Variants in EZR observed in about 807,000 individuals in gnomAD.
EZR encodes ezrin.
Under a neutral mutation model 74.8 loss-of-function variants are expected in EZR, and 40 were observed. The ratio of observed to expected loss-of-function variants is 0.53; its 90% CI spans 0.42 to 0.70. The LOEUF is 0.70. EZR is among the 30% of genes least tolerant of loss of function. EZR has a pLI of 0.00. For missense variants in EZR, 678 were observed against 755.8 expected (o/e 0.90, Z 1.21); for synonymous variants, 341 against 283.3 (o/e 1.20, Z -2.05).
chr6:158,810,133 T>G (rs911646356), intron 2 of EZR, among the ~76,000 whole-genome samples: 2 of 152,170 alleles, frequency 1.3e-5, no homozygotes, highest in African/African-American at 4.8e-5. Flanking sequence ...CTGGTTCCTC[T>G]CCTATCAATA....
intron 2 of EZR, among the ~76,000 whole-genome samples, chr6:158,815,311 G>T (rs3102966): frequency 0.53 from 80,074 of 151,948 alleles, 22,015 homozygotes; most frequent in Non-Finnish European, 0.61. Flanking sequence ...TGCAACCTAC[G>T]ATGCTCTTCT....
intron 2 of EZR, among the ~76,000 whole-genome samples, chr6:158,812,035 A>G (rs2128577078): frequency 7.4e-6 from 1 of 136,004 alleles, no homozygotes; most frequent in African/African-American, 2.7e-5. Context: ...GTGAGAGACC[A>G]CTGGGCACTG....
At chr6:158,796,127 C>T (rs563652401) in intron 2 of EZR, among the ~76,000 whole-genome samples, 1 of 152,270 alleles carries the variant, frequency 6.6e-6, no homozygotes, top group East Asian at 1.9e-4. Context: ...ACTCTCTGAC[C>T]ACTAGGAGAA....
At chr6:158,774,567 C>T (rs914984600) in intron 8 of EZR, among the ~76,000 whole-genome samples, 1 of 151,554 alleles carries the variant, frequency 6.6e-6, no homozygotes, top group African/African-American at 2.4e-5. Flanking sequence ...TCACATGAGG[C>T]TACTCTATAA....
chr6:158,771,315 C>T lies in EZR; in HGVS notation c.888G>A (p.Lys296=), dbSNP rs1791101639. 6.2e-7 allele frequency: 1 copy of T among 1,614,208 alleles called. No homozygotes were observed. The highest frequency in any genetic ancestry group is 2.2e-5 in the East Asian group (1 of 44,886). Reference sequence around the variant, plus strand: ...TCTGCTGCACCTCGATGGTGTCAGGCTTCCTGCGGCGCATATACAACTCAT... The same window carrying T: ...TCTGCTGCACCTCGATGGTGTCAGGTTTCCTGCGGCGCATATACAACTCAT... ...GNHELYMRRR[K]PDTIEVQQMK... Residue 296 remains lysine, a synonymous_variant, in exon 9 of 14, where the codon AAG becomes AAA. Transcript: ENST00000367075.
rs149105633 is a variant in EZR, at chr6:158,797,650, T to C, written c.13-8279A>G. ...TACTTAGAAATGCTCTGATAGAAAG[T>C]AGATACAGTAAATTTTCTCCCACAA... On this transcript the variant is annotated intron_variant, in intron 2 of 13. Transcript: ENST00000367075. Among the ~76,000 whole-genome samples, 12 of 152,358 alleles carry C rather than the reference T, an allele frequency of 7.9e-5. No individual in the cohort carries two copies. The East Asian group carries it at 1.3e-3, about 17-fold the overall frequency.
intron 3 of EZR, among the ~76,000 whole-genome samples, chr6:158,788,881 G>A (rs761418971): frequency 7.9e-5 from 12 of 152,134 alleles, no homozygotes; most frequent in Non-Finnish European, 1.5e-4. Context: ...ACTCATCCAC[G>A]CAGTGAGAGG....
At chr6:158,812,600 AAAT>A (rs1777473093) in intron 2 of EZR, among the ~76,000 whole-genome samples, 1 of 152,218 alleles carries the variant, frequency 6.6e-6, no homozygotes, top group Non-Finnish European at 1.5e-5. Flanking sequence ...TTGGATTTAA[AAAT>A]AACGTAGTTT....
At chr6:158,777,423 A>G (rs1791311699) in intron 7 of EZR, among the ~76,000 whole-genome samples, 1 of 152,266 alleles carries the variant, frequency 6.6e-6, no homozygotes, top group Non-Finnish European at 1.5e-5. Flanking sequence ...TCTGGCTTTT[A>G]TTAGCATTCC....
intron 8 of EZR, among the ~76,000 whole-genome samples, chr6:158,774,708 C>G (rs1156471791): frequency 2.0e-5 from 3 of 149,916 alleles, no homozygotes; most frequent in Non-Finnish European, 3.0e-5. Context: ...CACACACACA[C>G]ACACACGCAC....
At chr6:158,777,730 C>T (rs978518166) in intron 7 of EZR, among the ~76,000 whole-genome samples, 1 of 152,160 alleles carries the variant, frequency 6.6e-6, no homozygotes, top group African/African-American at 2.4e-5. Flanking sequence ...GTGGGGTGGA[C>T]TCTGTAGGCT....
chr6:158,813,515 T>A (rs1279664791), intron 2 of EZR, among the ~76,000 whole-genome samples: 2 of 152,162 alleles, frequency 1.3e-5, no homozygotes, highest in Non-Finnish European at 2.9e-5. Context: ...CATGGCAAAA[T>A]GTTAGCTACC....
In EZR at chr6:158,769,952, G is replaced by C. The variant is rs1345987318; in HGVS notation, c.1091-8C>G. 1.9e-6 allele frequency: 3 copies of C among 1,608,454 alleles called. No homozygotes were observed. The highest frequency in any genetic ancestry group is 2.5e-6 in the Non-Finnish European group (3 of 1,179,942). Reference sequence around the variant, plus strand: ...GAATCTGCTCCGAGAGCTCTGCAAAGACACAAAGCCAGAGCCATTCAAACC... The same window carrying C: ...GAATCTGCTCCGAGAGCTCTGCAAACACACAAAGCCAGAGCCATTCAAACC... On this transcript the variant is annotated splice_region_variant and splice_polypyrimidine_tract_variant and intron_variant, in intron 10 of 13. Transcript: ENST00000367075.
chr6:158,793,796 C>G (rs931418894), intron 2 of EZR, among the ~76,000 whole-genome samples: 1 of 152,214 alleles, frequency 6.6e-6, no homozygotes, highest in Non-Finnish European at 1.5e-5. Context: ...CATGGCACTG[C>G]CTTACCCTAC....
intron 2 of EZR, among the ~76,000 whole-genome samples, chr6:158,799,504 T>G (rs1238073558): frequency 6.6e-6 from 1 of 152,268 alleles, no homozygotes; most frequent in Non-Finnish European, 1.5e-5. Flanking sequence ...AGCAGACAGG[T>G]TTTCTCTAAT....
intron 2 of EZR, among the ~76,000 whole-genome samples, chr6:158,814,704 G>A (rs568381590): frequency 8.6e-5 from 13 of 151,982 alleles, no homozygotes; most frequent in African/African-American, 2.4e-4. Flanking sequence ...TACCACGCCC[G>A]GCTAATTTTT....
At chr6:158,792,000 G>A (rs528051141) in intron 2 of EZR, among the ~76,000 whole-genome samples, 1 of 151,112 alleles carries the variant, frequency 6.6e-6, no homozygotes, top group East Asian at 2.0e-4. Flanking sequence ...GAGCCACCGC[G>A]CCCGGCCCAG....
At chr6:158,804,933 T>A (rs1298714648) in intron 2 of EZR, among the ~76,000 whole-genome samples, 2 of 100,870 alleles carry the variant, frequency 2.0e-5, no homozygotes, top group African/African-American at 8.1e-5. Context: ...CCCACAACAG[T>A]CCCCAGAGTG....
intron 2 of EZR, among the ~76,000 whole-genome samples, chr6:158,797,820 A>T (rs1209029421): frequency 6.6e-6 from 1 of 152,260 alleles, no homozygotes; most frequent in African/African-American, 2.4e-5. Flanking sequence ...TACTTTAAAT[A>T]GCAGCTATTG....
Sources: gnomAD v4.1 joint callset for allele counts (sites outside exome capture counted in the v4.1 genomes callset) on GRCh38, gnomAD v4.1.1 for gene constraint, MANE v1.5 for transcripts, NCBI Gene and HGNC (gene_info 2026-07-23, HGNC 2026-07-21) for gene names.